The following VCL variants were observed in gnomAD, a reference collection of about 807,000 sequenced individuals.
VCL encodes epididymis luminal protein 114.
In VCL, 47 loss-of-function variants were observed where a neutral mutation model predicts 125.7. That is an observed-to-expected ratio of 0.37 (90% confidence interval 0.30 to 0.48). The LOEUF is 0.48. Among genes scored for constraint, VCL ranks in the 20% least tolerant of loss-of-function variants. The pLI is 0.99. For synonymous variants in VCL, 458 were observed against 514.6 expected (o/e 0.89, Z 1.49); for missense variants, 1,069 against 1,455.5 (o/e 0.73, Z 4.32).
intron 21 of VCL, among the ~76,000 whole-genome samples, chr10:74,115,859 G>A (rs1490018973): frequency 2.0e-5 from 3 of 152,192 alleles, no homozygotes; most frequent in African/African-American, 7.2e-5. Flanking sequence ...AGTCACCCAA[G>A]TTTGTCCTCC....
At chr10:74,020,077 G>GA (rs1016186141) in intron 1 of VCL, among the ~76,000 whole-genome samples, 1 of 150,472 alleles carries the variant, frequency 6.6e-6, no homozygotes, top group East Asian at 1.9e-4. Context: ...AAAAAAAAAA[G>GA]AAAAAAATTA....
intron 1 of VCL, 90 bp from the exon 2 acceptor site, chr10:74,042,993 G>A: frequency 2.3e-6 from 3 of 1,279,046 alleles, no homozygotes; most frequent in Non-Finnish European, 3.3e-6. Flanking sequence ...GATAGATTAT[G>A]TTTAAGTATA....
At chr10:74,107,689 C>G (rs1275704437) in intron 17 of VCL, among the ~76,000 whole-genome samples, 1 of 152,050 alleles carries the variant, frequency 6.6e-6, no homozygotes, top group Non-Finnish European at 1.5e-5. Context: ...ATCTGCACAG[C>G]TTGGAGTAAG....
chr10:74,052,922 T>A (rs966376409), intron 2 of VCL, among the ~76,000 whole-genome samples: 6 of 128,986 alleles, frequency 4.7e-5, no homozygotes, highest in South Asian at 2.4e-4. Context: ...GGATAAACCC[T>A]ACCTGGCTGT....
At chr10:74,008,223 C>G (rs1840355771) in intron 1 of VCL, among the ~76,000 whole-genome samples, 1 of 152,134 alleles carries the variant, frequency 6.6e-6, no homozygotes, top group Admixed American at 6.5e-5. Flanking sequence ...CTGGTATAGT[C>G]AAATTTGAGC....
chr10:74,086,264 A>G (rs1839769252), intron 8 of VCL, among the ~76,000 whole-genome samples: 2 of 152,226 alleles, frequency 1.3e-5, no homozygotes, highest in African/African-American at 4.8e-5. Flanking sequence ...AAAAAGATGC[A>G]TATAAACATG....
chr10:74,070,507 A>C (rs1385698180), intron 2 of VCL, among the ~76,000 whole-genome samples, 163 bp from the exon 3 acceptor site: 1 of 152,210 alleles, frequency 6.6e-6, no homozygotes, highest in Non-Finnish European at 1.5e-5. Context: ...TCCTGCCTAA[A>C]TTGTAAAATC....
chr10:74,058,904 T>TGTGC (rs954514981), intron 2 of VCL, among the ~76,000 whole-genome samples: 6 of 152,084 alleles, frequency 3.9e-5, no homozygotes, highest in African/African-American at 1.4e-4. Flanking sequence ...TGTGTGTGTG[T>TGTGC]GTGCGTGTGC....
At chr10:74,114,728 T>C in intron 20 of VCL, 67 bp from the exon 21 acceptor site, 1 of 1,490,354 alleles carries the variant, frequency 6.7e-7, no homozygotes, top group African/African-American at 1.4e-5. Context: ...GGTAGGTAAG[T>C]CTTGCCTTCA....
Position 74,094,260 on chromosome 10 carries a change from T to C in VCL, c.1353-11T>C. The C allele has an allele frequency of 6.2e-7, 1 of 1,614,070 alleles. No homozygotes were observed. Among genetic ancestry groups the C allele is most frequent in the South Asian group, 1.1e-5 (1 of 91,072 alleles). ...TTATGTGTGACAGGATGGCTGTCTT[T>C]TTCTCTGTAGGGGGAAAGGAGATTC... On this transcript the variant is annotated splice_polypyrimidine_tract_variant and intron_variant, in intron 10 of 21. Transcript: ENST00000211998.
chr10:74,080,138 C>T (rs370269848), intron 6 of VCL, among the ~76,000 whole-genome samples: 34 of 152,178 alleles, frequency 2.2e-4, no homozygotes, highest in East Asian at 1.2e-3. Context: ...TGTTTCAAAT[C>T]ATTTTTGGGC....
intron 2 of VCL, 60 bp downstream of exon 2, chr10:74,043,213 AAGT>A (rs1841128434): frequency 1.3e-6 from 2 of 1,482,844 alleles, no homozygotes; most frequent in Middle Eastern, 1.7e-4. Context: ...TAGGAAGAAA[AAGT>A]AGCTGATTTC....
At chr10:74,027,782 T>C (rs1840802754) in intron 1 of VCL, 1 of 152,078 alleles carries the variant, frequency 6.6e-6, no homozygotes, top group South Asian at 2.1e-4. Context: ...CGCACAGATA[T>C]GAAAATGATA....
At chr10:74,002,367 C>T (rs185032533) in intron 1 of VCL, among the ~76,000 whole-genome samples, 25 of 151,984 alleles carry the variant, frequency 1.6e-4, no homozygotes, top group African/African-American at 3.1e-4. Flanking sequence ...TCAGGTTATC[C>T]GCCCGCCTCG....
chr10:74,070,758 G>A lies in VCL; in HGVS notation c.328G>A (p.Asp110Asn), dbSNP rs1318524819. 1 of 1,614,108 alleles carries A rather than the reference G, an allele frequency of 6.2e-7. No homozygotes were observed. Among genetic ancestry groups the A allele is most frequent in the Non-Finnish European group, 8.5e-7 (1 of 1,180,016 alleles). Residue 110 changes from aspartate (D) to asparagine (N), a missense_variant, in exon 3 of 22, where the codon GAT becomes AAT. Physicochemically the swap from Asp to Asn is conservative, Grantham distance 23. Coordinates refer to ENST00000211998, the MANE Select transcript of VCL (RefSeq NM_014000.3). ...YSVPARDYLI[D>N]GSRGILSGTS... ...AGTGCCTGCTCGAGATTATCTAATT[G>A]ATGGGTCAAGGGGCATCCTCTCTGG...
At chr10:74,002,754 C>T (rs965906226) in intron 1 of VCL, among the ~76,000 whole-genome samples, 7 of 150,978 alleles carry the variant, frequency 4.6e-5, no homozygotes, top group African/African-American at 1.5e-4. Flanking sequence ...TGGTGGCACG[C>T]GCCTGTAGTC....
intron 1 of VCL, among the ~76,000 whole-genome samples, chr10:74,007,388 G>A (rs760866392): frequency 2.0e-5 from 3 of 152,190 alleles, no homozygotes; most frequent in Non-Finnish European, 4.4e-5. Flanking sequence ...GTTCAGCATA[G>A]CATGGAGATG....
chr10:74,058,774 A>G (rs533941241), intron 2 of VCL, among the ~76,000 whole-genome samples: 1 of 152,280 alleles, frequency 6.6e-6, no homozygotes, highest in Non-Finnish European at 1.5e-5. Flanking sequence ...TGCTTTTTAC[A>G]GAAGTAGATT....
chr10:74,075,608 G>C (rs1203892149), intron 6 of VCL: 1 of 152,670 alleles, frequency 6.6e-6, no homozygotes, highest in African/African-American at 2.4e-5. Context: ...GAGATACTTG[G>C]GTTCATACTT....
Sources: allele counts gnomAD v4.1 joint callset (sites outside exome capture counted in the v4.1 genomes callset), GRCh38; gene constraint gnomAD v4.1.1; transcripts MANE v1.5; gene names NCBI Gene and HGNC (gene_info 2026-07-23, HGNC 2026-07-21).